The following PTPN21 variants were observed in gnomAD, a reference collection of about 807,000 sequenced individuals.
The protein encoded by PTPN21 is protein tyrosine phosphatase non-receptor type 21, also known as tyrosine-protein phosphatase non-receptor type 21.
A neutral mutation model predicts 131.8 loss-of-function variants in PTPN21; 77 were observed. The observed-to-expected ratio is 0.58, with a 90% CI of 0.49 to 0.71. The LOEUF (loss-of-function observed/expected upper bound fraction) is 0.71. Ranked by LOEUF, PTPN21 falls within the 30% of genes least tolerant of loss-of-function variation. The pLI is 0.00. For synonymous variants in PTPN21, 715 were observed against 621.3 expected (o/e 1.15, Z -2.24); for missense variants, 1,552 against 1,527.1 (o/e 1.02, Z -0.27).
chr14:88,511,612 T>A (rs2078185239), intron 3 of PTPN21, among the ~76,000 whole-genome samples: 1 of 152,106 alleles, frequency 6.6e-6, no homozygotes. Context: ...GATGTTGCAG[T>A]GAGCCAAGAT....
intron 3 of PTPN21, among the ~76,000 whole-genome samples, chr14:88,516,450 G>T (rs900556855): frequency 6.6e-6 from 1 of 152,098 alleles, no homozygotes; most frequent in Non-Finnish European, 1.5e-5. Context: ...GTAGTGATGG[G>T]ATTCACAGAA....
intron 10 of PTPN21, among the ~76,000 whole-genome samples, chr14:88,492,048 A>G (rs2077833400): frequency 6.7e-6 from 1 of 149,978 alleles, no homozygotes; most frequent in Non-Finnish European, 1.5e-5. Flanking sequence ...ACACAAAACA[A>G]AACAAACAAA....
At chr14:88,498,548 G>A (rs1180695238) in intron 8 of PTPN21, among the ~76,000 whole-genome samples, 1 of 152,182 alleles carries the variant, frequency 6.6e-6, no homozygotes, top group Non-Finnish European at 1.5e-5. Flanking sequence ...AATTGCAGTA[G>A]GTCCTAGGGA....
At chr14:88,534,284 G>C (rs1307748544) in intron 2 of PTPN21, among the ~76,000 whole-genome samples, 1 of 151,672 alleles carries the variant, frequency 6.6e-6, no homozygotes, top group Non-Finnish European at 1.5e-5. Flanking sequence ...TTGGGAGGCT[G>C]AAGCACAAAA....
At chr14:88,518,320 G>GTA (rs1491567119) in intron 2 of PTPN21, among the ~76,000 whole-genome samples, 10 of 66,998 alleles carry the variant, frequency 1.5e-4, no homozygotes, top group East Asian at 5.5e-4. Flanking sequence ...GTATATATAC[G>GTA]TATATATACA....
At chr14:88,499,867 A>C (rs2077982966) in intron 8 of PTPN21, among the ~76,000 whole-genome samples, 1 of 152,234 alleles carries the variant, frequency 6.6e-6, no homozygotes, top group Non-Finnish European at 1.5e-5. Context: ...CCAACTTACT[A>C]TCTTTAAGAT....
rs772742168 is a variant in PTPN21, at chr14:88,469,046, C to T, written c.3266G>A (p.Arg1089His). The T allele has an allele frequency of 4.3e-5, 70 of 1,613,846 alleles. No homozygotes were observed. In the East Asian group the frequency reaches 1.2e-3, roughly 27 times the overall value. ...SYLEEIQSVR[R>H]HTNSTSDPQS... ...GGGATCACTTGTGCTATTTGTATGG[C>T]GTCGAACAGACTGGATCTCTTCAAG... Residue 1089 changes from arginine to histidine, a missense_variant, in exon 18 of 19, where the codon CGC (arginine) becomes CAC (histidine). Arg to His is a conservative substitution (Grantham distance 29, BLOSUM62 0). Transcript: ENST00000556564. This position sits in a 1 kb window ranked among gnomAD's most constrained non-coding sequence, Gnocchi z 4.3.
intron 2 of PTPN21, among the ~76,000 whole-genome samples, chr14:88,544,457 AAAG>A (rs1211048234): frequency 1.3e-5 from 2 of 152,216 alleles, no homozygotes; most frequent in Non-Finnish European, 2.9e-5. Flanking sequence ...AAATGGTAAT[AAAG>A]AAGAACACTT....
In PTPN21 at chr14:88,469,789, C is replaced by A. The variant is rs1357939637; in HGVS notation, c.3001-56G>T. ...GAGATCCGGCAATGGATGCCTTTCT[C>A]ACATAGACGGCACATCTGAAACAGA... On this transcript the variant is annotated intron_variant, in intron 16 of 18. Coordinates refer to ENST00000556564, the MANE Select transcript of PTPN21 (RefSeq NM_007039.4). The surrounding 1 kb of genome is among the most constrained non-coding windows in gnomAD (Gnocchi z 4.3). 6.3e-7 allele frequency: 1 copy of A among 1,599,716 alleles called. No individual in the cohort carries two copies. The highest frequency in any genetic ancestry group is 2.2e-5 in the East Asian group (1 of 44,776).
At position 88,498,378 on chromosome 14, in the gene PTPN21, T is replaced by G. The variant is rs146392087; in HGVS notation, c.765-1088A>C. On this transcript the variant is annotated intron_variant, in intron 8 of 18. Coordinates refer to ENST00000556564, the MANE Select transcript of PTPN21 (RefSeq NM_007039.4). The stretch of plus-strand genomic sequence containing the variant: ...ACAGCAGCTAGTTCAAAAAGTAAAC[T>G]CATGTATAATAAATGAGGGAAAAGA... 2.3e-3 allele frequency among the ~76,000 whole-genome samples: 355 copies of G among 152,144 alleles called. 1 individual carries two copies. Among genetic ancestry groups the G allele is most frequent in the African/African-American group, 7.9e-3 (327 of 41,522 alleles).
chr14:88,507,016 T>G (rs1158951774), intron 4 of PTPN21, among the ~76,000 whole-genome samples: 1 of 151,740 alleles, frequency 6.6e-6, no homozygotes, highest in African/African-American at 2.4e-5. Flanking sequence ...GCCACTGCAC[T>G]CCAGCCTGGT....
intron 13 of PTPN21, among the ~76,000 whole-genome samples, chr14:88,477,459 A>C (rs868695623): frequency 0.012 from 1,856 of 150,862 alleles, 51 homozygotes; most frequent in African/African-American, 0.044. Context: ...AAAAAAAAAA[A>C]AAAAAAAAAA....
chr14:88,544,216 G>C (rs569594508), intron 2 of PTPN21, among the ~76,000 whole-genome samples: 3 of 151,966 alleles, frequency 2.0e-5, no homozygotes, highest in Admixed American at 2.0e-4. Context: ...GTGGTGGCAG[G>C]TGCCTGTAAT....
At chr14:88,484,570 T>C (rs2077705263) in intron 12 of PTPN21, among the ~76,000 whole-genome samples, 3 of 152,278 alleles carry the variant, frequency 2.0e-5, no homozygotes, top group South Asian at 4.1e-4. Context: ...AGGAACCAGC[T>C]TGATAGTTTC....
chr14:88,538,855 C>G (rs1184024959), intron 2 of PTPN21, among the ~76,000 whole-genome samples: 1 of 152,100 alleles, frequency 6.6e-6, no homozygotes, highest in Non-Finnish European at 1.5e-5. Context: ...CATAACAGTG[C>G]CTCATATACA....
intron 3 of PTPN21, among the ~76,000 whole-genome samples, chr14:88,516,739 GATTTTGTAACTAATTTTCT>G (rs1368184651): frequency 6.6e-6 from 1 of 152,176 alleles, no homozygotes; most frequent in Non-Finnish European, 1.5e-5. Context: ...AATGAAGACA[GATTTTGTAACTAATTTTCT>G]AAAATCTCTT....
chr14:88,479,345 C>T lies in PTPN21; in HGVS notation c.2086G>A (p.Gly696Ser). Residue 696 changes from glycine to serine, a missense_variant, in exon 13 of 19, where the codon GGC (glycine) becomes AGC (serine). By Grantham distance (56) the Gly-to-Ser change is moderately conservative (BLOSUM62 0). Transcript: ENST00000556564. ...GPEEAEGLRYGHKKSLSDATM... is the reference protein window; with the variant it reads ...GPEEAEGLRYSHKKSLSDATM... ...GCGTCCGACAGGGACTTCTTATGGCCGTACCTCAAGCCCTCCGCCTCCTCC... is the reference window on the plus strand; with the variant it reads ...GCGTCCGACAGGGACTTCTTATGGCTGTACCTCAAGCCCTCCGCCTCCTCC... 3 of 1,613,380 alleles carry T rather than the reference C, an allele frequency of 1.9e-6. No homozygotes were observed. The highest frequency in any genetic ancestry group is 1.7e-6 in the Non-Finnish European group (2 of 1,179,662).
intron 2 of PTPN21, among the ~76,000 whole-genome samples, chr14:88,545,599 A>C (rs1353169310): frequency 6.6e-6 from 1 of 152,256 alleles, no homozygotes; most frequent in Non-Finnish European, 1.5e-5. Context: ...AATGATAGGC[A>C]GGGAATTTCA....
Position 88,529,322 on chromosome 14 carries a change from T to C in PTPN21, c.181-12061A>G, listed in dbSNP as rs145601476. Among the ~76,000 whole-genome samples the C allele has an allele frequency of 3.4e-4, 52 of 152,338 alleles. 1 individual carries two copies. Among genetic ancestry groups the C allele is most frequent in the African/African-American group, 1.3e-3 (52 of 41,582 alleles). On this transcript the variant is annotated intron_variant, in intron 2 of 18. Transcript: ENST00000556564. Reference sequence around the variant, plus strand: ...CCTACATCCCTGGTATGAAACCTACTTGATCATGGTGTATTATCTTTTTGA... The same window carrying C: ...CCTACATCCCTGGTATGAAACCTACCTGATCATGGTGTATTATCTTTTTGA...
Sources: allele counts gnomAD v4.1 joint callset (sites outside exome capture counted in the v4.1 genomes callset), GRCh38; gene constraint gnomAD v4.1.1; non-coding constraint Gnocchi (gnomAD v3.1); transcripts MANE v1.5; gene names NCBI Gene and HGNC (gene_info 2026-07-23, HGNC 2026-07-21).